OVCH2: variants seen among roughly 807,000 people sequenced by gnomAD.
OVCH2 encodes the protein ovochymase 2.
A neutral mutation model predicts 73.7 loss-of-function variants in OVCH2; 88 were observed. The ratio of observed to expected loss-of-function variants is 1.19; its 90% CI spans 1.01 to 1.43. The LOEUF (loss-of-function observed/expected upper bound fraction) is 1.43. Among genes scored for constraint, OVCH2 ranks in the 40% most tolerant of loss-of-function variants. The pLI is 0.00. For missense variants in OVCH2, 706 were observed against 674.5 expected (o/e 1.05, Z -0.52); for synonymous variants, 265 against 234.5 (o/e 1.13, Z -1.19).
At chr11:7,683,987 C>A in the OVCH2 span, among the ~76,000 whole-genome samples, 1 of 149,812 alleles carries the variant, frequency 6.7e-6, no homozygotes, top group Non-Finnish European at 1.5e-5. Context: ...TCATTTATTG[C>A]CATCTGGCAT....
At chr11:7,686,428 C>A (rs1175796269), downstream of OVCH2, among the ~76,000 whole-genome samples, 5 of 152,080 alleles carry the variant, frequency 3.3e-5, no homozygotes, top group African/African-American at 1.2e-4. Context: ...TGTAGAGTAC[C>A]CATAACAGTA....
At chr11:7,694,617 GTT>G (rs988298198) in intron 12 of OVCH2, among the ~76,000 whole-genome samples, 1 of 23,428 alleles carries the variant, frequency 4.3e-5, no homozygotes, top group Non-Finnish European at 9.6e-5. Flanking sequence ...TTTTTGTTTT[GTT>G]TTGTTTTGTT....
In OVCH2 at chr11:7,700,357, G is replaced by T. The variant is rs372046408; in HGVS notation, c.840C>A (p.Ser280=). The change falls in exon 7 of 16, where the codon TCC becomes TCA. Residue 280 remains serine (S), a synonymous_variant. Transcript: ENST00000533663. ...RNNVRKSDQG[S]PGIFTDISKV... ...TACTAATGTCTGTGAAGATCCCAGG[G>T]GATCCTTGATCACTTTTCCTCACAT... 4 of 1,613,710 alleles carry T rather than the reference G, an allele frequency of 2.5e-6. No homozygotes were observed. The South Asian group carries it at 3.3e-5, about 13-fold the overall frequency.
intron 3 of OVCH2, among the ~76,000 whole-genome samples, chr11:7,703,367 T>C (rs1053259607): frequency 4.6e-5 from 7 of 152,202 alleles, no homozygotes; most frequent in Non-Finnish European, 2.9e-5. Context: ...ATGAACTAGA[T>C]ATTTTTTCAC....
Position 7,694,947 on chromosome 11 carries a change from T to G in OVCH2, c.1413+111A>C. 3.9e-6 allele frequency: 5 copies of G among 1,276,636 alleles called. No homozygotes were observed. The South Asian group carries it at 7.1e-5, about 18-fold the overall frequency. 79.1% of individuals were successfully genotyped at this position (1,276,636 alleles called of 1,614,324 possible). ...TGTGTGTCAGGTGCTGGGTTCTAGG[T>G]ACTGAAAACACAGCAGTGAATAAAT... On this transcript the variant is annotated intron_variant, in intron 12 of 15. Transcript: ENST00000533663.
Position 7,703,805 on chromosome 11 carries a change from C to G in OVCH2, c.199-16G>C. 1 of 1,587,318 alleles carries G rather than the reference C, an allele frequency of 6.3e-7. No individual in the cohort carries two copies. The highest frequency in any genetic ancestry group is 8.6e-7 in the Non-Finnish European group (1 of 1,165,136). On this transcript the variant is annotated splice_polypyrimidine_tract_variant and intron_variant, in intron 2 of 15. Coordinates refer to ENST00000533663, the MANE Select transcript of OVCH2 (RefSeq NM_198185.7). ...TCAGAGATACCTAAATTGCAAATAC[C>G]TTAAATGAAAGCAAGTTCATGCCCT...
chr11:7,698,805 G>A (rs757104381), intron 7 of OVCH2, 32 bp from the exon 8 acceptor site: 1 of 1,610,340 alleles, frequency 6.2e-7, no homozygotes, highest in Non-Finnish European at 8.5e-7. Flanking sequence ...GCAATTGAAA[G>A]CCTGTGGTAT....
At position 7,689,444 on chromosome 11, in the gene OVCH2, G is replaced by C; in HGVS notation, c.*190C>G. On this transcript the variant is annotated 3_prime_UTR_variant, in exon 16 of 16. Transcript: ENST00000533663. ...AAAGTACCACAAACTAGGTGGCTTA[G>C]AACAACAGAAATTTATTGTCTCATA... 3.2e-6 allele frequency: 1 copy of C among 315,700 alleles called. No individual in the cohort carries two copies. Among genetic ancestry groups the C allele is most frequent in the Non-Finnish European group, 6.3e-6 (1 of 158,482 alleles). 19.6% of individuals were successfully genotyped at this position (315,700 alleles called of 1,614,324 possible). A position where few individuals can be genotyped will look rare whatever the true frequency, so the allele number is the denominator to read the frequency against.
In OVCH2 at chr11:7,704,578, G is replaced by A; in HGVS notation, c.185C>T (p.Ser62Phe). 6.2e-7 allele frequency: 1 copy of A among 1,609,014 alleles called. No individual in the cohort carries two copies. The highest frequency in any genetic ancestry group is 8.5e-7 in the Non-Finnish European group (1 of 1,176,252). The change falls in exon 2 of 16, where the codon TCC becomes TTC. Residue 62 changes from serine (S) to phenylalanine (F), a missense_variant. Coordinates refer to ENST00000533663, the MANE Select transcript of OVCH2 (RefSeq NM_198185.7). The stretch of plus-strand genomic sequence containing the variant: ...CTTGAGACTCACCTGCCAGGGATAG[G>A]AACCCTTCTCCACTTGGCTTCCTCC... The part of the protein sequence containing the change: ...ILGGSQVEKG[S>F]YPWQVSLKQR...
At position 7,706,326 on chromosome 11, in the gene OVCH2, T is replaced by G. The variant is rs1389885576; in HGVS notation, c.69A>C (p.Ala23=). The part of the protein sequence containing the change: ...GIVFFERGKS[A]TLSLPKAPSC... Reference sequence around the variant, plus strand: ...ACTTACCTTTGGGGAGCGAAAGAGTTGCAGATTTACCTCGTTCAAAAAAGA... The same window carrying G: ...ACTTACCTTTGGGGAGCGAAAGAGTGGCAGATTTACCTCGTTCAAAAAAGA... Residue 23 remains alanine (A), a synonymous_variant, in exon 1 of 16, where the codon GCA becomes GCC. Coordinates refer to ENST00000533663, the MANE Select transcript of OVCH2 (RefSeq NM_198185.7). 1.3e-6 allele frequency: 2 copies of G among 1,590,548 alleles called. No homozygotes were observed. Among genetic ancestry groups the G allele is most frequent in the East Asian group, 2.2e-5 (1 of 44,454 alleles).
chr11:7,688,634 A>G (rs935609857), downstream of OVCH2, among the ~76,000 whole-genome samples: 2 of 151,754 alleles, frequency 1.3e-5, no homozygotes, highest in African/African-American at 4.9e-5. Context: ...AATTTATAAA[A>G]ATAAAAATAA....
chr11:7,696,948 T>C (rs1469326306), intron 8 of OVCH2, 149 bp from the exon 9 acceptor site: 2 of 706,992 alleles, frequency 2.8e-6, no homozygotes, highest in Admixed American at 2.7e-5. Context: ...TTTGCTTCTA[T>C]GATGCCTTTT....
At chr11:7,697,851 A>T (rs761949943) in intron 8 of OVCH2, among the ~76,000 whole-genome samples, 1 of 152,214 alleles carries the variant, frequency 6.6e-6, no homozygotes, top group Non-Finnish European at 1.5e-5. Flanking sequence ...CTGTTCTTAC[A>T]CTATTAAAAT....
rs752803128 is a variant in OVCH2 at position 7,700,462 on chromosome 11, C to G, written c.735G>C (p.Met245Ile). The G allele has an allele frequency of 2.5e-6, 4 of 1,607,944 alleles. No individual in the cohort carries two copies. The Admixed American group carries it at 6.8e-5, about 27-fold the overall frequency. ...TCCAGGCCCCTTTCTTATTCCGGCA[C>G]ATGAGTGAACCTCCTGAATCTCCCT... ...ACQGDSGGSL[M>I]CRNKKGAWTL... Residue 245 changes from methionine to isoleucine, a missense_variant, in exon 7 of 16, where the codon ATG becomes ATC. Transcript: ENST00000533663.
chr11:7,703,699 T>G lies in OVCH2; in HGVS notation c.289A>C (p.Arg97=). The G allele has an allele frequency of 6.2e-7, 1 of 1,600,898 alleles. No individual in the cohort carries two copies. The highest frequency in any genetic ancestry group is 8.5e-7 in the Non-Finnish European group (1 of 1,173,740). ...VITAAHCIAN[R]NIVSTLNVTA... Reference sequence around the variant, plus strand: ...ACTCATGGGCTAGGCCTTTCTTACCTGTTTGCAATGCAGTGAGCCGCCGTG... The same window carrying G: ...ACTCATGGGCTAGGCCTTTCTTACCGGTTTGCAATGCAGTGAGCCGCCGTG... Residue 97 remains arginine, a splice_region_variant and synonymous_variant, in exon 3 of 16, where the codon AGA becomes CGA. Transcript: ENST00000533663.
intron 8 of OVCH2, 35 bp downstream of exon 8, chr11:7,698,714 GT>G (rs887734113): frequency 2.1e-5 from 34 of 1,597,446 alleles, no homozygotes; most frequent in Middle Eastern, 1.6e-4. Context: ...ATGTTAATTT[GT>G]GCTCCTGATG....
In OVCH2 at chr11:7,695,138, T is replaced by C. The variant is rs1856303932; in HGVS notation, c.1333A>G (p.Ser445Gly). Residue 445 changes from serine (S) to glycine (G), a missense_variant, in exon 12 of 16, where the codon AGT (serine) becomes GGT (glycine). By Grantham distance (56) the Ser-to-Gly change is moderately conservative. Transcript: ENST00000533663. ...CTGTAGTTTTCAGGATAGTTTAGAC[T>C]CTGTATGAGACCTTCTTCAAAAAGG... is the stretch of plus-strand genomic sequence containing the variant. ...TVLFEEGLIQ[S>G]LNYPENYSDK... 1.3e-6 allele frequency: 2 copies of C among 1,556,574 alleles called. No homozygotes were observed. Among genetic ancestry groups the C allele is most frequent in the African/African-American group, 1.4e-5 (1 of 73,362 alleles).
At chr11:7,701,662 G>T in intron 5 of OVCH2, 54 bp downstream of exon 5, 3 of 1,537,722 alleles carry the variant, frequency 2.0e-6, no homozygotes, top group African/African-American at 1.4e-5. Flanking sequence ...TTTTCTGATT[G>T]CCCACCAGAA....
At chr11:7,693,308 A>G (rs1242595080) in intron 12 of OVCH2, among the ~76,000 whole-genome samples, 1 of 152,248 alleles carries the variant, frequency 6.6e-6, no homozygotes, top group East Asian at 1.9e-4. Flanking sequence ...TGTATCAGAA[A>G]TAGGATTCAT....
Sources: allele counts gnomAD v4.1 joint callset (sites outside exome capture counted in the v4.1 genomes callset), GRCh38; gene constraint gnomAD v4.1.1; transcripts MANE v1.5; gene names NCBI Gene and HGNC (gene_info 2026-07-23, HGNC 2026-07-21).